The following SLC30A6 variants were observed in gnomAD, a reference collection of about 807,000 sequenced individuals.
SLC30A6 encodes the protein zinc transporter 6.
In SLC30A6, 55 loss-of-function variants were observed where a neutral mutation model predicts 63.0. The observed-to-expected ratio is 0.87, with a 90% CI of 0.70 to 1.09. SLC30A6 has a LOEUF of 1.09. Among genes scored for constraint, SLC30A6 ranks in the 50% least tolerant of loss-of-function variants. The probability of loss-of-function intolerance (pLI) is 0.00; values close to 1 mark genes in which losing one functional copy is unlikely to be tolerated. For synonymous variants in SLC30A6, 224 were observed against 186.1 expected, an observed-to-expected ratio of 1.20 and a Z score of -1.66; for missense variants, 587 against 549.2, an observed-to-expected ratio of 1.07 and a Z score of -0.69.
At position 32,193,906 on chromosome 2, in the gene SLC30A6, G is replaced by C; in HGVS notation, c.419G>C (p.Gly140Ala). The change falls in exon 8 of 14, where the codon GGT becomes GCT. Residue 140 changes from glycine (G) to alanine (A), a missense_variant. Transcript: ENST00000282587. ...PEIHTGRLLV[G>A]TFVALCFNLF... is the part of the protein sequence containing the mutation. ...CTTTTTAGGGGAAGATTATTAGTTG[G>C]TACTTTTGTGGCTCTTTGTTTCAAC... 6.2e-7 allele frequency: 1 copy of C among 1,612,960 alleles called. No homozygotes were observed. The highest frequency in any genetic ancestry group is 1.1e-5 in the South Asian group (1 of 91,006).
rs1681164127 is a variant in SLC30A6 at position 32,171,142 on chromosome 2, A to G, written c.4-145A>G. 7.1e-6 allele frequency: 4 copies of G among 565,274 alleles called. No individual in the cohort carries two copies. The East Asian group carries it at 9.1e-5, about 13-fold the overall frequency. The allele number at this position is 565,274 out of a possible 1,614,324, so 35.0% of individuals were successfully genotyped here. A position where few individuals can be genotyped will look rare whatever the true frequency, so the allele number is the denominator to read the frequency against. On this transcript the variant is annotated intron_variant, in intron 1 of 13. Transcript: ENST00000282587. ...GAATATTAAATCCATAAATACACAT[A>G]AAGTGTCTAGAATAAGTGCTTGATG...
chr2:32,165,990 C>A, intron 1 of SLC30A6, 87 bp downstream of exon 1: 3 of 1,586,182 alleles, frequency 1.9e-6, no homozygotes, highest in Non-Finnish European at 1.7e-6. Context: ...AATCCCTCAG[C>A]CACCCAGAGG....
At chr2:32,192,242 T>C in intron 5 of SLC30A6, 94 bp from the exon 6 acceptor site, 1 of 1,129,766 alleles carries the variant, frequency 8.9e-7, no homozygotes, top group Non-Finnish European at 1.3e-6. Flanking sequence ...ATATGTATAT[T>C]AAGTGAGCAA....
chr2:32,193,922 T>C lies in SLC30A6; in HGVS notation c.435T>C (p.Leu145=), dbSNP rs1683555669. Residue 145 remains leucine, a synonymous_variant, in exon 8 of 14, where the codon CTT becomes CTC. Coordinates refer to ENST00000282587, the MANE Select transcript of SLC30A6 (RefSeq NM_017964.5). ...TATTAGTTGGTACTTTTGTGGCTCT[T>C]TGTTTCAACCTGTTCACGATGCTTT... ...GRLLVGTFVA[L]CFNLFTMLSI... 6.2e-7 allele frequency: 1 copy of C among 1,613,524 alleles called. No homozygotes were observed.
chr2:32,175,485 C>G (rs937464461), intron 4 of SLC30A6, 124 bp downstream of exon 4: 1 of 808,730 alleles, frequency 1.2e-6, no homozygotes, highest in Middle Eastern at 3.7e-4. Context: ...ACAATAAAAA[C>G]ATTATGCTTT....
At chr2:32,198,820 G>A (rs929664070) in intron 10 of SLC30A6, among the ~76,000 whole-genome samples, 3 of 152,220 alleles carry the variant, frequency 2.0e-5, no homozygotes, top group Middle Eastern at 3.4e-3. Flanking sequence ...CTGACCTTAG[G>A]TGATCCACCT....
intron 7 of SLC30A6, among the ~76,000 whole-genome samples, 175 bp from the exon 8 acceptor site, chr2:32,193,714 G>A (rs1683538706): frequency 1.3e-5 from 2 of 152,220 alleles, no homozygotes; most frequent in South Asian, 4.1e-4. Context: ...AGCAACAGTA[G>A]ATGGGACATG....
intron 13 of SLC30A6, among the ~76,000 whole-genome samples, chr2:32,211,669 G>T (rs182665556): frequency 6.6e-6 from 1 of 151,746 alleles, no homozygotes; most frequent in Non-Finnish European, 1.5e-5. Flanking sequence ...CCAGGTGGGC[G>T]TGCAGTAGTG....
chr2:32,209,539 G>C lies in SLC30A6; in HGVS notation c.863G>C (p.Trp288Ser). Residue 288 changes from tryptophan (W) to serine (S), a missense_variant, in exon 13 of 14, where the codon TGG (tryptophan) becomes TCG (serine). Coordinates refer to ENST00000282587, the MANE Select transcript of SLC30A6 (RefSeq NM_017964.5). ...TTAGAAGTCCGAAATGAACATTTTT[G>C]GACCCTAGGTTTTGGCTCATTGGTA... is the stretch of plus-strand genomic sequence containing the variant. ...GVLEVRNEHF[W>S]TLGFGSLAGS... The C allele has an allele frequency of 6.2e-7, 1 of 1,612,554 alleles. No individual in the cohort carries two copies. The highest frequency in any genetic ancestry group is 8.5e-7 in the Non-Finnish European group (1 of 1,179,536).
chr2:32,171,104 A>G (rs1392038016), intron 1 of SLC30A6, among the ~76,000 whole-genome samples, 183 bp from the exon 2 acceptor site: 3 of 152,246 alleles, frequency 2.0e-5, no homozygotes, highest in Non-Finnish European at 4.4e-5. Flanking sequence ...TCTCCACCAC[A>G]TAGGTTTATT....
At chr2:32,218,364 A>C (rs969541868) in intron 13 of SLC30A6, among the ~76,000 whole-genome samples, 1 of 152,198 alleles carries the variant, frequency 6.6e-6, no homozygotes, top group Admixed American at 6.5e-5. Context: ...GGTGTTCTCT[A>C]TCCCTTAGAA....
intron 13 of SLC30A6, among the ~76,000 whole-genome samples, chr2:32,215,143 G>A (rs1480681684): frequency 6.7e-6 from 1 of 150,248 alleles, no homozygotes; most frequent in Admixed American, 6.6e-5. Flanking sequence ...TTGAAAATCT[G>A]TGTTTATTTA....
intron 13 of SLC30A6, among the ~76,000 whole-genome samples, chr2:32,212,082 T>A (rs1685303155): frequency 6.6e-6 from 1 of 152,188 alleles, no homozygotes; most frequent in African/African-American, 2.4e-5. Flanking sequence ...TTACTGTTAT[T>A]TTCTTTCAAA....
intron 12 of SLC30A6, among the ~76,000 whole-genome samples, chr2:32,208,121 C>T (rs528285671): frequency 7.9e-5 from 12 of 151,230 alleles, no homozygotes; most frequent in South Asian, 4.2e-4. Flanking sequence ...TGTGAGCCAC[C>T]GTGCCCAGCC....
intron 10 of SLC30A6, chr2:32,202,347 G>C (rs1244590491): frequency 2.8e-6 from 1 of 362,572 alleles, no homozygotes. Context: ...TTGTTTGTTT[G>C]TTTGTTTGTT....
intron 8 of SLC30A6, 47 bp downstream of exon 8, chr2:32,194,030 A>C: frequency 5.4e-6 from 8 of 1,475,598 alleles, no homozygotes; most frequent in Non-Finnish European, 7.5e-6. Flanking sequence ...CTAATCTCTC[A>C]TAAAAACAAG....
At chr2:32,215,721 T>C (rs991928202) in intron 13 of SLC30A6, among the ~76,000 whole-genome samples, 20 of 152,090 alleles carry the variant, frequency 1.3e-4, no homozygotes, top group African/African-American at 4.1e-4. Flanking sequence ...TTTTTATTTA[T>C]TGAGACAGGG....
Position 32,221,341 on chromosome 2 carries a change from G to C in SLC30A6, c.*628G>C, listed in dbSNP as rs1415996990. ...CGCCCAGCTAATTTTTGTATTTTTAGTAAAGACGGGGGATTTCACCATGTT... is the reference window on the plus strand; with the variant it reads ...CGCCCAGCTAATTTTTGTATTTTTACTAAAGACGGGGGATTTCACCATGTT... On this transcript the variant is annotated 3_prime_UTR_variant, in exon 14 of 14. Transcript: ENST00000282587. 1.3e-5 allele frequency: 2 copies of C among 153,362 alleles called. No individual in the cohort carries two copies. Among genetic ancestry groups the C allele is most frequent in the African/African-American group, 2.4e-5 (1 of 41,394 alleles). The allele number at this position is 153,362 out of a possible 1,614,324, so 9.5% of individuals were successfully genotyped here.
chr2:32,179,413 G>T (rs1375376117), intron 4 of SLC30A6, among the ~76,000 whole-genome samples: 1 of 152,096 alleles, frequency 6.6e-6, no homozygotes, highest in South Asian at 2.1e-4. Context: ...CCATATTTTG[G>T]TATGTATATA....
Sources: gnomAD v4.1 joint callset for allele counts (sites outside exome capture counted in the v4.1 genomes callset) on GRCh38, gnomAD v4.1.1 for gene constraint, MANE v1.5 for transcripts, NCBI Gene and HGNC (gene_info 2026-07-23, HGNC 2026-07-21) for gene names.